Variants in GRM5 observed in about 807,000 individuals in gnomAD.
The protein encoded by GRM5 is glutamate metabotropic receptor 5, also known as metabotropic glutamate receptor 5.
GRM5 carries 19 observed loss-of-function variants against 83.1 expected under a neutral mutation model. The ratio of observed to expected loss-of-function variants is 0.23; its 90% CI spans 0.16 to 0.34. GRM5 has a LOEUF of 0.34. Ranked by LOEUF, GRM5 falls within the 10% of genes least tolerant of loss-of-function variation. The probability of loss-of-function intolerance (pLI) is 1.00; values close to 1 mark genes in which losing one functional copy is unlikely to be tolerated. For missense variants in GRM5, 1,160 were observed against 1,588.3 expected (o/e 0.73, Z 4.58); for synonymous variants, 675 against 633.6 (o/e 1.07, Z -0.98).
At chr11:88,801,817 T>C (rs1473932986) in intron 3 of GRM5, among the ~76,000 whole-genome samples, 1 of 152,120 alleles carries the variant, frequency 6.6e-6, no homozygotes, top group Non-Finnish European at 1.5e-5. Context: ...AGTCCTGCTA[T>C]TTACTAGTTA....
At chr11:88,775,471 C>T (rs991406682) in intron 3 of GRM5, among the ~76,000 whole-genome samples, 13 of 152,042 alleles carry the variant, frequency 8.6e-5, no homozygotes, top group African/African-American at 3.1e-4. Context: ...TTATTTCTTG[C>T]CTTCTGCTAG....
intron 3 of GRM5, among the ~76,000 whole-genome samples, chr11:88,705,464 A>G (rs867589759): frequency 2.6e-5 from 4 of 152,062 alleles, no homozygotes; most frequent in Admixed American, 6.6e-5. Flanking sequence ...CACTGTTTTG[A>G]AGGCCCACAT....
At chr11:88,913,530 C>T (rs2135614663) in intron 2 of GRM5, among the ~76,000 whole-genome samples, 1 of 151,620 alleles carries the variant, frequency 6.6e-6, no homozygotes, top group East Asian at 1.9e-4. Flanking sequence ...AGAATTCCTA[C>T]TGGTTGGTCC....
At chr11:88,860,324 T>TAA (rs1944540594) in intron 2 of GRM5, among the ~76,000 whole-genome samples, 1 of 152,160 alleles carries the variant, frequency 6.6e-6, no homozygotes, top group Non-Finnish European at 1.5e-5. Flanking sequence ...GCTTTCTTTG[T>TAA]AAGCTGTCAA....
At chr11:88,663,991 C>T (rs1939974100) in intron 3 of GRM5, among the ~76,000 whole-genome samples, 1 of 151,976 alleles carries the variant, frequency 6.6e-6, no homozygotes, top group Admixed American at 6.6e-5. Context: ...CTATATTTTC[C>T]TCATACTTTC....
chr11:89,018,738 T>C (rs148975382), intron 2 of GRM5, among the ~76,000 whole-genome samples: 2,685 of 152,266 alleles, frequency 0.018, 40 homozygotes, highest in South Asian at 0.066. Flanking sequence ...CATAAAAGGT[T>C]AGGCTTCCTA....
intron 4 of GRM5, among the ~76,000 whole-genome samples, chr11:88,649,995 G>A (rs1260886586): frequency 2.6e-5 from 4 of 151,318 alleles, no homozygotes; most frequent in African/African-American, 7.3e-5. Context: ...ATTCTGAAGG[G>A]GTATATAGAT....
At chr11:88,912,913 G>A (rs905857158) in intron 2 of GRM5, among the ~76,000 whole-genome samples, 1 of 152,100 alleles carries the variant, frequency 6.6e-6, no homozygotes, top group Admixed American at 6.5e-5. Flanking sequence ...ATGTTCCCAG[G>A]TCTACATACA....
intron 3 of GRM5, among the ~76,000 whole-genome samples, chr11:88,759,011 GT>G (rs1042690423): frequency 6.6e-6 from 1 of 151,992 alleles, no homozygotes; most frequent in African/African-American, 2.4e-5. Context: ...GAGAAATAAG[GT>G]TATTTTCACA....
intron 3 of GRM5, among the ~76,000 whole-genome samples, chr11:88,675,761 CGTT>C (rs1399196109): frequency 6.6e-6 from 1 of 151,964 alleles, no homozygotes; most frequent in Non-Finnish European, 1.5e-5. Context: ...ACCTTGGACT[CGTT>C]GTCCCATGTT....
intron 2 of GRM5, among the ~76,000 whole-genome samples, chr11:89,029,481 T>C (rs1311264717): frequency 1.3e-5 from 2 of 152,218 alleles, no homozygotes; most frequent in Non-Finnish European, 2.9e-5. Flanking sequence ...TATAATTTGA[T>C]AGCAGGACAT....
At chr11:88,626,330 C>T (rs1342713753) in intron 4 of GRM5, among the ~76,000 whole-genome samples, 1 of 152,132 alleles carries the variant, frequency 6.6e-6, no homozygotes, top group Non-Finnish European at 1.5e-5. Flanking sequence ...ACAATTAAAG[C>T]AGAATATATA....
At position 88,861,449 on chromosome 11, in the gene GRM5, T is replaced by C. The variant is rs572285961; in HGVS notation, c.662-11294A>G. On this transcript the variant is annotated intron_variant, in intron 2 of 9. Coordinates refer to ENST00000305447, the MANE Select transcript of GRM5 (RefSeq NM_001143831.3). ...GCTGAAAGTGACAGAATTCTCTAAA[T>C]TAAGTTTTTATTGTTGTTGTTGTTG... 8.7e-5 allele frequency among the ~76,000 whole-genome samples: 12 copies of C among 137,986 alleles called. No individual in the cohort carries two copies. In the South Asian group the frequency reaches 2.8e-3, roughly 32 times the overall value. 90.5% of individuals were successfully genotyped at this position (137,986 alleles called of 152,430 possible). A position where few individuals can be genotyped will look rare whatever the true frequency, so the allele number is the denominator to read the frequency against.
At chr11:88,719,689 A>G (rs1332805171) in intron 3 of GRM5, among the ~76,000 whole-genome samples, 3 of 152,116 alleles carry the variant, frequency 2.0e-5, no homozygotes, top group South Asian at 2.1e-4. Flanking sequence ...CCAACAGTGT[A>G]TAAGGGTTCC....
At chr11:88,834,506 A>G (rs912558486) in intron 3 of GRM5, among the ~76,000 whole-genome samples, 1 of 152,222 alleles carries the variant, frequency 6.6e-6, no homozygotes, top group African/African-American at 2.4e-5. Flanking sequence ...TCACCTGGCA[A>G]GTCTAATAAT....
At chr11:88,860,290 G>A (rs185816724) in intron 2 of GRM5, among the ~76,000 whole-genome samples, 109 of 152,222 alleles carry the variant, frequency 7.2e-4, no homozygotes, top group Middle Eastern at 3.4e-3. Flanking sequence ...CCCACTCTAA[G>A]CTTCCAGAAT....
chr11:88,618,202 A>G (rs1409023366), intron 4 of GRM5, among the ~76,000 whole-genome samples: 1 of 152,212 alleles, frequency 6.6e-6, no homozygotes, highest in Non-Finnish European at 1.5e-5. Context: ...TTGTTTGCCT[A>G]TACTTAAAAA....
At chr11:89,053,576 T>C (rs1201492081) in intron 1 of GRM5, among the ~76,000 whole-genome samples, 3 of 151,920 alleles carry the variant, frequency 2.0e-5, no homozygotes, top group Admixed American at 6.6e-5. Flanking sequence ...AAAATAGATA[T>C]AAAGTCACAT....
intron 3 of GRM5, among the ~76,000 whole-genome samples, chr11:88,762,749 A>T (rs563691702): frequency 2.0e-5 from 3 of 151,976 alleles, no homozygotes; most frequent in African/African-American, 7.2e-5. Flanking sequence ...TCATAATAGT[A>T]AAGACATGGA....
Sources: gnomAD v4.1 joint callset for allele counts (sites outside exome capture counted in the v4.1 genomes callset) on GRCh38, gnomAD v4.1.1 for gene constraint, MANE v1.5 for transcripts, NCBI Gene and HGNC (gene_info 2026-07-23, HGNC 2026-07-21) for gene names.